GABRP: variants seen among roughly 807,000 people sequenced by gnomAD.
GABRP encodes the protein gamma-aminobutyric acid type A receptor subunit pi.
In GABRP, 52 loss-of-function variants were observed where a neutral mutation model predicts 47.8. The ratio of observed to expected loss-of-function variants is 1.09; its 90% CI spans 0.87 to 1.37. The LOEUF (loss-of-function observed/expected upper bound fraction) is 1.37. GABRP is among the 40% of genes most tolerant of loss of function. The probability of loss-of-function intolerance (pLI) is 0.00; values close to 1 mark genes in which losing one functional copy is unlikely to be tolerated. For synonymous variants in GABRP, 221 were observed against 205.8 expected (o/e 1.07, Z -0.63); for missense variants, 525 against 542.8 (o/e 0.97, Z 0.33).
At position 170,795,412 on chromosome 5, in the gene GABRP, C is replaced by T; in HGVS notation, c.445C>T (p.Leu149=). The change falls in exon 5 of 10, where the codon CTG becomes TTG. Residue 149 remains leucine (L), a synonymous_variant. Transcript: ENST00000265294. ...LIRLFSNGTV[L]YALRITTTVA... ...CCGCCTCTTCTCCAATGGCACGGTC[C>T]TGTATGCCCTCAGGTACGCGGACAC... is the stretch of plus-strand genomic sequence containing the variant. 6.2e-7 allele frequency: 1 copy of T among 1,614,014 alleles called. No individual in the cohort carries two copies.
chr5:170,785,301 G>A (rs1456328391), intron 1 of GABRP, among the ~76,000 whole-genome samples: 1 of 152,182 alleles, frequency 6.6e-6, no homozygotes, highest in Non-Finnish European at 1.5e-5. Context: ...AAGGGACTTG[G>A]AAAACAGATT....
At position 170,795,298 on chromosome 5, in the gene GABRP, C is replaced by T; in HGVS notation, c.331C>T (p.Leu111Phe). ...CAAGAGCTTCACTCTGGATGCCCGC[C>T]TCGTGGAGTTCCTCTGGGTGCCAGA... ...GNKSFTLDARLVEFLWVPDTY... is the reference protein window; with the variant it reads ...GNKSFTLDARFVEFLWVPDTY... The change falls in exon 5 of 10, where the codon CTC becomes TTC. Residue 111 changes from leucine (L) to phenylalanine (F), a missense_variant. Physicochemically the swap from Leu to Phe is conservative, Grantham distance 22. Transcript: ENST00000265294. The T allele has an allele frequency of 2.5e-6, 4 of 1,613,864 alleles. No homozygotes were observed. Among genetic ancestry groups the T allele is most frequent in the South Asian group, 1.1e-5 (1 of 91,060 alleles).
chr5:170,806,549 T>G (rs1463945812), intron 7 of GABRP, among the ~76,000 whole-genome samples: 1 of 152,020 alleles, frequency 6.6e-6, no homozygotes, highest in Non-Finnish European at 1.5e-5. Context: ...TTCAAGCGAC[T>G]CTTGTGCCTC....
At chr5:170,808,804 C>CA (rs1561815919) in intron 8 of GABRP, 52 bp downstream of exon 8, 2 of 1,524,358 alleles carry the variant, frequency 1.3e-6, no homozygotes, top group Non-Finnish European at 1.8e-6. Context: ...AGGTTACTTA[C>CA]TTTTTTTCCT....
chr5:170,804,050 G>A (rs1172127575), intron 6 of GABRP, among the ~76,000 whole-genome samples: 1 of 152,156 alleles, frequency 6.6e-6, no homozygotes, highest in Non-Finnish European at 1.5e-5. Flanking sequence ...TTACAGGCAT[G>A]AGCCACCATG....
At chr5:170,809,011 A>C (rs1460401007) in intron 8 of GABRP, among the ~76,000 whole-genome samples, 2 of 151,960 alleles carry the variant, frequency 1.3e-5, no homozygotes, top group African/African-American at 4.8e-5. Context: ...ATCTCGGCTC[A>C]CTGCAACCTC....
intron 7 of GABRP, 119 bp downstream of exon 7, chr5:170,805,972 A>G (rs1765725553): frequency 7.8e-6 from 9 of 1,150,996 alleles, no homozygotes; most frequent in African/African-American, 1.5e-5. Flanking sequence ...GGAGCGGGAC[A>G]GTAGGGTTTG....
chr5:170,795,350 C>T lies in GABRP; in HGVS notation c.383C>T (p.Ser128Phe). The change falls in exon 5 of 10, where the codon TCC (serine) becomes TTC (phenylalanine). Residue 128 changes from serine to phenylalanine, a missense_variant. Transcript: ENST00000265294. ...ACTTACATTGTGGAGTCCAAGAAGT[C>T]CTTCCTCCATGAAGTCACTGTGGGA... Reference protein sequence around the residue: ...PDTYIVESKKSFLHEVTVGNR... With the variant: ...PDTYIVESKKFFLHEVTVGNR... 6.2e-7 allele frequency: 1 copy of T among 1,614,058 alleles called. No individual in the cohort carries two copies. Among genetic ancestry groups the T allele is most frequent in the Non-Finnish European group, 8.5e-7 (1 of 1,180,010 alleles).
At chr5:170,804,967 TTTATATATTATATATTATATTATA>T (rs1156801202) in intron 6 of GABRP, among the ~76,000 whole-genome samples, 2 of 119,886 alleles carry the variant, frequency 1.7e-5, no homozygotes, top group African/African-American at 8.4e-5. Flanking sequence ...CATATATACG[TTTATATATTATATATTATATTATA>T]TTATATATTA....
intron 5 of GABRP, among the ~76,000 whole-genome samples, chr5:170,797,018 A>C (rs1308283467): frequency 6.6e-6 from 1 of 152,232 alleles, no homozygotes; most frequent in Non-Finnish European, 1.5e-5. Context: ...AGAAGAGCAC[A>C]GCCAGGAGAC....
At position 170,812,409 on chromosome 5, in the gene GABRP, C is replaced by T. The variant is rs566692420; in HGVS notation, c.*151C>T. On this transcript the variant is annotated 3_prime_UTR_variant, in exon 10 of 10. Transcript: ENST00000265294. ...TCTTTCTGCTCAAAGAATGAAGCTCCAACCATTGTTCTAAGCTGTGTAGAA... is the reference window on the plus strand; with the variant it reads ...TCTTTCTGCTCAAAGAATGAAGCTCTAACCATTGTTCTAAGCTGTGTAGAA... 3.1e-5 allele frequency: 20 copies of T among 647,872 alleles called. No individual in the cohort carries two copies. In the African/African-American group the frequency reaches 3.5e-4, roughly 11 times the overall value. 40.1% of individuals were successfully genotyped at this position (647,872 alleles called of 1,614,324 possible).
At chr5:170,805,915 C>T (rs1765724259) in intron 7 of GABRP, 62 bp downstream of exon 7, 5 of 1,567,470 alleles carry the variant, frequency 3.2e-6, no homozygotes, top group Non-Finnish European at 4.4e-6. Context: ...GGGTTGCTCT[C>T]TGAGTCAGAA....
chr5:170,797,942 T>G (rs901785970), intron 6 of GABRP, among the ~76,000 whole-genome samples: 9 of 152,272 alleles, frequency 5.9e-5, no homozygotes, highest in African/African-American at 2.2e-4. Flanking sequence ...CGTCTGTGGC[T>G]ACTTCTGTAC....
intron 6 of GABRP, among the ~76,000 whole-genome samples, chr5:170,802,367 C>T (rs574213639): frequency 6.6e-6 from 1 of 152,060 alleles, no homozygotes; most frequent in Non-Finnish European, 1.5e-5. Flanking sequence ...GCACTCCTTA[C>T]GTAAGGTCAC....
chr5:170,784,344 G>C (rs1765075835), intron 1 of GABRP, among the ~76,000 whole-genome samples: 2 of 152,106 alleles, frequency 1.3e-5, no homozygotes, highest in South Asian at 4.1e-4. Flanking sequence ...TCTGGGAATA[G>C]AGTAGAAACG....
At chr5:170,790,304 C>T (rs2127251761) in intron 3 of GABRP, among the ~76,000 whole-genome samples, 1 of 152,292 alleles carries the variant, frequency 6.6e-6, no homozygotes, top group Middle Eastern at 3.4e-3. Context: ...CTGTGCCTCA[C>T]TGTCCCTTTC....
In GABRP at chr5:170,794,182, G is replaced by C. The variant is rs1397638610; in HGVS notation, c.173-49G>C. On this transcript the variant is annotated intron_variant, in intron 3 of 9. Coordinates refer to ENST00000265294, the MANE Select transcript of GABRP (RefSeq NM_014211.3). ...TTAGAATGCACTAATATAGTATTAA[G>C]ACAGCTCATGGTTGTGTTTCCATTC... The C allele has an allele frequency of 4.5e-6, 6 of 1,322,356 alleles. No homozygotes were observed. In the East Asian group the frequency reaches 1.2e-4, roughly 25 times the overall value. The allele number at this position is 1,322,356 out of a possible 1,614,324, so 81.9% of individuals were successfully genotyped here. A position where few individuals can be genotyped will look rare whatever the true frequency, so the allele number is the denominator to read the frequency against.
At position 170,788,642 on chromosome 5, in the gene GABRP, C is replaced by T. The variant is rs199978130; in HGVS notation, c.27C>T (p.Phe9=). 17 of 1,614,096 alleles carry T rather than the reference C, an allele frequency of 1.1e-5. No individual in the cohort carries two copies. The highest frequency in any genetic ancestry group is 8.9e-5 in the East Asian group (4 of 44,860). The change falls in exon 2 of 10, where the codon TTC becomes TTT. Residue 9 remains phenylalanine (F), a synonymous_variant. Coordinates refer to ENST00000265294, the MANE Select transcript of GABRP (RefSeq NM_014211.3). ...TGAACTACAGCCTCCACTTGGCCTTCGTGTGTCTGAGTCTCTTCACTGAGA... is the reference window on the plus strand; with the variant it reads ...TGAACTACAGCCTCCACTTGGCCTTTGTGTGTCTGAGTCTCTTCACTGAGA... The part of the protein sequence containing the change: MNYSLHLA[F]VCLSLFTERM...
intron 9 of GABRP, among the ~76,000 whole-genome samples, chr5:170,811,084 C>T (rs1450790953): frequency 2.7e-5 from 4 of 150,890 alleles, no homozygotes; most frequent in Non-Finnish European, 5.9e-5. Flanking sequence ...CCTAAACATC[C>T]GTCAACATCT....
Sources: allele counts gnomAD v4.1 joint callset (sites outside exome capture counted in the v4.1 genomes callset), GRCh38; gene constraint gnomAD v4.1.1; transcripts MANE v1.5; gene names NCBI Gene and HGNC (gene_info 2026-07-23, HGNC 2026-07-21).